Variants in KHDRBS2 observed in about 807,000 individuals in gnomAD.
KHDRBS2 encodes KH RNA binding domain containing, signal transduction associated 2, also known as KH domain-containing, RNA-binding, signal transduction-associated protein 2.
KHDRBS2 carries 26 observed loss-of-function variants against 44.3 expected under a neutral mutation model. The observed-to-expected ratio is 0.59, with a 90% CI of 0.43 to 0.81. KHDRBS2 has a LOEUF of 0.81. Ranked by LOEUF, KHDRBS2 falls within the 40% of genes least tolerant of loss-of-function variation. The pLI is 0.00. For synonymous variants in KHDRBS2, 194 were observed against 151.1 expected, an observed-to-expected ratio of 1.28 and a Z score of -2.08; for missense variants, 476 against 433.1, an observed-to-expected ratio of 1.10 and a Z score of -0.88.
rs780542295 is a variant in KHDRBS2 at position 61,894,701 on chromosome 6, C to T, written c.744G>A (p.Arg248=). 2.0e-5 allele frequency: 33 copies of T among 1,613,400 alleles called. No individual in the cohort carries two copies. In the South Asian group the frequency reaches 3.0e-4, roughly 15 times the overall value. Residue 248 remains arginine (R), a synonymous_variant, in exon 6 of 9, where the codon CGG becomes CGA. Coordinates refer to ENST00000281156, the MANE Select transcript of KHDRBS2 (RefSeq NM_152688.4). ...VARGVPTPRA[R]GAPTVPGYRA... The stretch of plus-strand genomic sequence containing the variant: ...TGTATCCTGGCACTGTTGGTGCCCC[C>T]CGGGCTCGAGGGGTAGGGACACCTC...
intron 1 of KHDRBS2, among the ~76,000 whole-genome samples, chr6:62,184,103 A>T (rs1197730115): frequency 6.6e-6 from 1 of 151,772 alleles, no homozygotes; most frequent in African/African-American, 2.4e-5. Flanking sequence ...AGAATAGAAT[A>T]ATGCAACACA....
intron 4 of KHDRBS2, among the ~76,000 whole-genome samples, chr6:61,909,956 CA>C (rs1446523570): frequency 1.3e-5 from 2 of 152,212 alleles, no homozygotes; most frequent in African/African-American, 4.8e-5. Flanking sequence ...AACATATACT[CA>C]GCTCTGGCAA....
intron 7 of KHDRBS2, among the ~76,000 whole-genome samples, chr6:61,722,012 C>T (rs909517182): frequency 1.3e-5 from 2 of 150,696 alleles, no homozygotes; most frequent in Non-Finnish European, 3.0e-5. Flanking sequence ...TTGTCAAAGG[C>T]CTTTTCTGCA....
chr6:61,827,370 G>C (rs1175778974), intron 6 of KHDRBS2, among the ~76,000 whole-genome samples: 1 of 152,168 alleles, frequency 6.6e-6, no homozygotes, highest in Admixed American at 6.6e-5. Flanking sequence ...AGGAGAAGAA[G>C]TCAGAACTTC....
chr6:61,780,841 T>C (rs1358906209), intron 6 of KHDRBS2, among the ~76,000 whole-genome samples: 1 of 152,210 alleles, frequency 6.6e-6, no homozygotes, highest in Non-Finnish European at 1.5e-5. Context: ...GTCATCAGGG[T>C]GTCTGCCCTT....
intron 5 of KHDRBS2, among the ~76,000 whole-genome samples, chr6:61,898,900 T>C (rs1311454626): frequency 6.6e-6 from 1 of 151,998 alleles, no homozygotes; most frequent in African/African-American, 2.4e-5. Context: ...TATCTAACTC[T>C]TTTCTTGATT....
chr6:61,912,457 G>T (rs1313167424), intron 4 of KHDRBS2, among the ~76,000 whole-genome samples: 1 of 152,104 alleles, frequency 6.6e-6, no homozygotes, highest in African/African-American at 2.4e-5. Flanking sequence ...CCTTTCAATG[G>T]TTGTAAATTG....
At chr6:62,226,537 A>C (rs1338406648) in intron 1 of KHDRBS2, among the ~76,000 whole-genome samples, 1 of 152,102 alleles carries the variant, frequency 6.6e-6, no homozygotes, top group Non-Finnish European at 1.5e-5. Context: ...TCTTTAGTTT[A>C]ATTAGATCCT....
chr6:61,559,969 C>A, the KHDRBS2 span, among the ~76,000 whole-genome samples: 3 of 152,130 alleles, frequency 2.0e-5, no homozygotes, highest in Non-Finnish European at 4.4e-5. Flanking sequence ...CTGAATAACT[C>A]CATTTAGCAT....
the KHDRBS2 span, among the ~76,000 whole-genome samples, chr6:61,625,510 T>C: frequency 6.6e-6 from 1 of 151,924 alleles, no homozygotes. Flanking sequence ...GTAAAGTTCA[T>C]GCTCTTCCTG....
intron 3 of KHDRBS2, among the ~76,000 whole-genome samples, chr6:62,036,189 T>G (rs1785246609): frequency 6.6e-6 from 1 of 151,794 alleles, no homozygotes; most frequent in Non-Finnish European, 1.5e-5. Context: ...TTAGGCACCC[T>G]GAGTACAGGG....
intron 6 of KHDRBS2, among the ~76,000 whole-genome samples, chr6:61,759,714 C>T (rs1779001335): frequency 6.6e-6 from 1 of 152,090 alleles, no homozygotes; most frequent in Non-Finnish European, 1.5e-5. Context: ...CTTGTTAGCA[C>T]GATTCAGCCT....
At chr6:62,278,820 C>T (rs1320673411) in intron 1 of KHDRBS2, among the ~76,000 whole-genome samples, 2 of 152,138 alleles carry the variant, frequency 1.3e-5, no homozygotes, top group East Asian at 3.9e-4. Context: ...CACGGCCAGG[C>T]GTGGTGGCTC....
intron 2 of KHDRBS2, among the ~76,000 whole-genome samples, chr6:62,161,936 G>A (rs1283990805): frequency 6.6e-6 from 1 of 151,854 alleles, no homozygotes; most frequent in East Asian, 1.9e-4. Context: ...TTCCATTGTT[G>A]ATGTCACAAA....
chr6:62,048,414 T>C (rs1788226662), intron 2 of KHDRBS2, among the ~76,000 whole-genome samples: 1 of 151,886 alleles, frequency 6.6e-6, no homozygotes. Context: ...TTGTAAAAGT[T>C]TGCAATCAAT....
At chr6:62,252,582 T>C (rs1275359746) in intron 1 of KHDRBS2, among the ~76,000 whole-genome samples, 1 of 152,004 alleles carries the variant, frequency 6.6e-6, no homozygotes, top group African/African-American at 2.4e-5. Flanking sequence ...TAATGCCTAC[T>C]AGCCTCTGGA....
chr6:61,671,413 C>A, the KHDRBS2 span, among the ~76,000 whole-genome samples: 2 of 151,588 alleles, frequency 1.3e-5, no homozygotes, highest in African/African-American at 4.8e-5. Flanking sequence ...GTTGTTAGGG[C>A]AACTGGTAGT....
At chr6:62,150,894 C>T (rs1224051888) in intron 2 of KHDRBS2, among the ~76,000 whole-genome samples, 3 of 152,170 alleles carry the variant, frequency 2.0e-5, no homozygotes, top group African/African-American at 4.8e-5. Flanking sequence ...CTTGTTCTTA[C>T]ATCCATTTAA....
chr6:61,680,866 A>G lies in KHDRBS2; in HGVS notation c.*97T>C, dbSNP rs188194020. 9.7e-4 allele frequency: 693 copies of G among 713,266 alleles called. 2 individuals are homozygous for G. Among genetic ancestry groups the G allele is most frequent in the Middle Eastern group, 3.1e-3 (12 of 3,872 alleles). 44.2% of individuals were successfully genotyped at this position (713,266 alleles called of 1,614,324 possible). On this transcript the variant is annotated 3_prime_UTR_variant, in exon 9 of 9. Coordinates refer to ENST00000281156, the MANE Select transcript of KHDRBS2 (RefSeq NM_152688.4). The stretch of plus-strand genomic sequence containing the variant: ...AGTTATCCCTAGAATAGAAACAAAC[A>G]AACAAAAAAAGGACTATTACTTGTC...
Sources: allele counts gnomAD v4.1 joint callset (sites outside exome capture counted in the v4.1 genomes callset), GRCh38; gene constraint gnomAD v4.1.1; transcripts MANE v1.5; gene names NCBI Gene and HGNC (gene_info 2026-07-23, HGNC 2026-07-21).